The following FGF12 variants were observed in gnomAD, a reference collection of about 807,000 sequenced individuals.
FGF12 encodes the protein fibroblast growth factor 12, also known as fibroblast growth factor 12B.
A neutral mutation model predicts 23.6 loss-of-function variants in FGF12; 14 were observed. The observed-to-expected ratio is 0.59, with a 90% confidence interval of 0.39 to 0.93. The LOEUF is 0.93. Among genes scored for constraint, FGF12 ranks in the 40% least tolerant of loss-of-function variants. The pLI is 0.00. For synonymous variants in FGF12, 62 were observed against 77.3 expected (o/e 0.80, Z 1.04); for missense variants, 175 against 217.8 (o/e 0.80, Z 1.24).
chr3:192,605,457 T>A (rs2654709), intron 2 of FGF12, among the ~76,000 whole-genome samples: 34,299 of 151,282 alleles, frequency 0.23, 4,586 homozygotes, highest in East Asian at 0.34. Flanking sequence ...GGAAAGAATC[T>A]ATTACTAAGT....
At position 192,167,761 on chromosome 3, in the gene FGF12, ATATATATAAAATTTTTT is replaced by A. The variant is rs1407494828; in HGVS notation, c.427+2680_427+2696del. Among the ~76,000 whole-genome samples, 59 of 33,458 alleles carry A rather than the reference ATATATATAAAATTTTTT, an allele frequency of 1.8e-3. 2 individuals carry two copies. The highest frequency in any genetic ancestry group is 2.9e-3 in the South Asian group (2 of 696). 21.9% of individuals were successfully genotyped at this position (33,458 alleles called of 152,430 possible). A position where few individuals can be genotyped will look rare whatever the true frequency, so the allele number is the denominator to read the frequency against. On this transcript the variant is annotated intron_variant, in intron 5 of 5. Coordinates refer to ENST00000445105, the MANE Select transcript of FGF12 (RefSeq NM_004113.6). The stretch of plus-strand genomic sequence containing the variant: ...TATATATATATATATATATATATAT[ATATATATAAAATTTTTT>A]TTTTTTTTTTTTTTTGAGAAAGAAT...
intron 2 of FGF12, among the ~76,000 whole-genome samples, chr3:192,498,372 T>C (rs1294908300): frequency 1.3e-5 from 2 of 152,244 alleles, no homozygotes; most frequent in African/African-American, 4.8e-5. Flanking sequence ...CTTTTACTAT[T>C]TCCTTCTGCC....
At chr3:192,195,451 C>G (rs1717016897) in intron 4 of FGF12, among the ~76,000 whole-genome samples, 1 of 152,100 alleles carries the variant, frequency 6.6e-6, no homozygotes, top group Non-Finnish European at 1.5e-5. Flanking sequence ...TTTACTGTAC[C>G]TTTTCTATGT....
At chr3:192,516,470 C>T (rs1184256511) in intron 2 of FGF12, 1 of 152,250 alleles carries the variant, frequency 6.6e-6, no homozygotes, top group Non-Finnish European at 1.5e-5. Flanking sequence ...TGTTCTCTTT[C>T]TCTTATATAG....
chr3:192,148,759 T>C (rs961756981), intron 5 of FGF12, among the ~76,000 whole-genome samples: 1 of 152,164 alleles, frequency 6.6e-6, no homozygotes, highest in East Asian at 1.9e-4. Context: ...AAAACATTAG[T>C]TTTAGAACTG....
At chr3:192,697,466 T>G (rs2108726976) in intron 2 of FGF12, among the ~76,000 whole-genome samples, 1 of 152,304 alleles carries the variant, frequency 6.6e-6, no homozygotes, top group South Asian at 2.1e-4. Context: ...GGGCACTCAC[T>G]GAAGGTCAAC....
At chr3:192,352,657 A>G (rs1345305801) in intron 3 of FGF12, among the ~76,000 whole-genome samples, 2 of 152,238 alleles carry the variant, frequency 1.3e-5, no homozygotes, top group Non-Finnish European at 2.9e-5. Context: ...GAAAATAATG[A>G]CAGCAGATGA....
At chr3:192,678,176 T>G (rs1486578551) in intron 2 of FGF12, among the ~76,000 whole-genome samples, 1 of 152,250 alleles carries the variant, frequency 6.6e-6, no homozygotes. Flanking sequence ...CACTTATTAT[T>G]GTGTGCTCAT....
intron 2 of FGF12, among the ~76,000 whole-genome samples, chr3:192,430,899 C>G (rs1441602978): frequency 1.3e-5 from 2 of 152,140 alleles, no homozygotes; most frequent in African/African-American, 4.8e-5. Context: ...AATTTCTCAA[C>G]CTTTGAGTTT....
intron 2 of FGF12, among the ~76,000 whole-genome samples, chr3:192,410,960 T>G (rs1254168970): frequency 6.6e-6 from 1 of 152,238 alleles, no homozygotes; most frequent in Non-Finnish European, 1.5e-5. Context: ...TTACAATTTC[T>G]CTTCATATAT....
intron 4 of FGF12, among the ~76,000 whole-genome samples, chr3:192,300,323 G>C (rs750639474): frequency 3.9e-5 from 6 of 152,160 alleles, no homozygotes; most frequent in African/African-American, 7.2e-5. Context: ...TTGGATATTT[G>C]CTGGACATAT....
chr3:192,232,543 A>ATTT (rs1719077828), intron 4 of FGF12, among the ~76,000 whole-genome samples: 1 of 151,142 alleles, frequency 6.6e-6, no homozygotes, highest in Non-Finnish European at 1.5e-5. Context: ...TTATTTATTT[A>ATTT]TTTTTCTTTT....
At chr3:192,407,939 C>T (rs1721030088) in intron 2 of FGF12, 14 of 1,383,972 alleles carry the variant, frequency 1.0e-5, no homozygotes, top group Non-Finnish European at 1.2e-5. Flanking sequence ...AATCCTGGTT[C>T]CCTTCCACGG....
intron 4 of FGF12, among the ~76,000 whole-genome samples, chr3:192,308,493 C>T (rs1715768506): frequency 6.6e-6 from 1 of 152,090 alleles, no homozygotes. Context: ...GCCTGACCAA[C>T]ATGGAGAAAC....
chr3:192,510,294 C>T (rs1445970207), intron 2 of FGF12, among the ~76,000 whole-genome samples: 1 of 152,134 alleles, frequency 6.6e-6, no homozygotes, highest in Non-Finnish European at 1.5e-5. Context: ...AAATGAACAA[C>T]CTGATTTAAA....
At chr3:192,469,008 A>G (rs2108812429) in intron 2 of FGF12, among the ~76,000 whole-genome samples, 1 of 152,320 alleles carries the variant, frequency 6.6e-6, no homozygotes, top group Non-Finnish European at 1.5e-5. Flanking sequence ...AAAATCTAAT[A>G]CTACCATTAT....
At chr3:192,432,669 G>GAAA (rs1311403945) in intron 2 of FGF12, among the ~76,000 whole-genome samples, 1 of 140,810 alleles carries the variant, frequency 7.1e-6, no homozygotes, top group East Asian at 2.1e-4. Context: ...GAAAAGAAAA[G>GAAA]AAAGGATGTC....
chr3:192,256,764 A>G (rs1241838711), intron 4 of FGF12, among the ~76,000 whole-genome samples: 1 of 152,172 alleles, frequency 6.6e-6, no homozygotes, highest in Non-Finnish European at 1.5e-5. Flanking sequence ...ATTTGATGTA[A>G]TTATTTATGG....
At chr3:192,582,905 C>T (rs771498805) in intron 2 of FGF12, among the ~76,000 whole-genome samples, 2 of 152,138 alleles carry the variant, frequency 1.3e-5, no homozygotes, top group Non-Finnish European at 2.9e-5. Flanking sequence ...TCAACACAAA[C>T]ATGCACACTG....
Sources: gnomAD v4.1 joint callset for allele counts (sites outside exome capture counted in the v4.1 genomes callset) on GRCh38, gnomAD v4.1.1 for gene constraint, MANE v1.5 for transcripts, NCBI Gene and HGNC (gene_info 2026-07-23, HGNC 2026-07-21) for gene names.